Variants in CDHR1 observed in about 807,000 individuals in gnomAD.
The protein encoded by CDHR1 is cadherin related family member 1, also known as cadherin-related family member 1.
A neutral mutation model predicts 72.1 loss-of-function variants in CDHR1; 61 were observed. The ratio of observed to expected loss-of-function variants is 0.85; its 90% CI spans 0.69 to 1.05. The LOEUF (loss-of-function observed/expected upper bound fraction) is 1.05. Ranked by LOEUF, CDHR1 falls within the 50% of genes least tolerant of loss-of-function variation. The pLI, the probability that CDHR1 is intolerant of heterozygous loss-of-function variation, is 0.00. For missense variants in CDHR1, 1,186 were observed against 1,115.7 expected, an observed-to-expected ratio of 1.06 and a Z score of -0.90; for synonymous variants, 470 against 448.1, an observed-to-expected ratio of 1.05 and a Z score of -0.62.
In CDHR1 at chr10:84,211,678, G is replaced by T. The variant is rs547812313; in HGVS notation, c.1516G>T (p.Glu506Ter). 1 of 1,614,054 alleles carries T rather than the reference G, an allele frequency of 6.2e-7. No homozygotes were observed. The highest frequency in any genetic ancestry group is 1.7e-5 in the Admixed American group (1 of 60,000). ...AVDPDTGPWG[E>*]VKYSTYGTGA... Reference sequence around the variant, plus strand: ...GGATCCAGATACAGGACCCTGGGGCGAAGTGAAATATTCCACCTATGGGAC... The same window carrying T: ...GGATCCAGATACAGGACCCTGGGGCTAAGTGAAATATTCCACCTATGGGAC... The change falls in exon 14 of 17, where the codon GAA (glutamate) becomes TAA (stop). Residue 506 changes from glutamate (E) to a stop codon, truncating the protein, a stop_gained. Coordinates refer to ENST00000623527, the MANE Select transcript of CDHR1 (RefSeq NM_033100.4). LOFTEE classifies it high-confidence loss of function.
intron 6 of CDHR1, 65 bp downstream of exon 6, chr10:84,200,752 C>T (rs900621255): frequency 4.5e-5 from 50 of 1,114,374 alleles, no homozygotes; most frequent in African/African-American, 9.3e-5. Flanking sequence ...ATGGCCCCTA[C>T]CTCCATCGCC....
chr10:84,212,417 G>A lies in CDHR1; in HGVS notation c.1782+10G>A. On this transcript the variant is annotated intron_variant, in intron 15 of 16. Coordinates refer to ENST00000623527, the MANE Select transcript of CDHR1 (RefSeq NM_033100.4). ...CCCAGTGAAAATTGAGGTAAGTTTT[G>A]GAGGCAGCTGAGCTCCCCTAAAAGC... 1.2e-6 allele frequency: 2 copies of A among 1,608,738 alleles called. No individual in the cohort carries two copies. Among genetic ancestry groups the A allele is most frequent in the Non-Finnish European group, 1.7e-6 (2 of 1,175,094 alleles).
chr10:84,197,409 G>A (rs1051550698), intron 3 of CDHR1, among the ~76,000 whole-genome samples: 3 of 152,160 alleles, frequency 2.0e-5, no homozygotes, highest in Admixed American at 6.5e-5. Flanking sequence ...AATGTGGAGA[G>A]GTGTGGAGAG....
In CDHR1 at chr10:84,215,808, G is replaced by A. The variant is rs1842417159; in HGVS notation, c.*1187G>A. The stretch of plus-strand genomic sequence containing the variant: ...GTGCTGGGCTTAGGGGCTACCACTG[G>A]ATGATGGCATTGCCGTGACTCACAC... On this transcript the variant is annotated 3_prime_UTR_variant, in exon 17 of 17. Coordinates refer to ENST00000623527, the MANE Select transcript of CDHR1 (RefSeq NM_033100.4). 1.0e-6 allele frequency: 1 copy of A among 985,542 alleles called. No homozygotes were observed. 61.0% of individuals were successfully genotyped at this position (985,542 alleles called of 1,614,324 possible).
In CDHR1 at chr10:84,200,591, A is replaced by AC. The variant is rs757809253; in HGVS notation, c.439-5dup. On this transcript the variant is annotated splice_polypyrimidine_tract_variant and intron_variant, in intron 5 of 16. Transcript: ENST00000623527. ...TCTCTGACCCTCCCCTGTGGCTGTG[A>AC]CCCCCTCAGGACATACCTGCTGGGA... 3.8e-6 allele frequency: 6 copies of AC among 1,599,750 alleles called. No individual in the cohort carries two copies. The African/African-American group carries it at 4.0e-5, about 11-fold the overall frequency.
downstream of CDHR1, chr10:84,219,098 T>C: frequency 1.6e-6 from 2 of 1,220,910 alleles, no homozygotes; most frequent in East Asian, 2.5e-5. Flanking sequence ...CTAAGGTACA[T>C]GAAAAATAGT....
intron 1 of CDHR1, among the ~76,000 whole-genome samples, chr10:84,195,029 GA>G (rs1418053192): frequency 6.6e-6 from 1 of 152,222 alleles, no homozygotes; most frequent in East Asian, 1.9e-4. Flanking sequence ...CGCTTCTCCA[GA>G]GCTGGCATCC....
intron 2 of CDHR1, among the ~76,000 whole-genome samples, chr10:84,195,800 C>G (rs187867526): frequency 0.031 from 4,783 of 152,322 alleles, 140 homozygotes; most frequent in Middle Eastern, 0.078. Context: ...AGGGCTCCCC[C>G]CCACAGACAG....
In CDHR1 at chr10:84,218,594, A is replaced by G. The variant is rs1842462744; in HGVS notation, c.*3973A>G. The G allele has an allele frequency of 1.0e-6, 1 of 985,428 alleles. No individual in the cohort carries two copies. Among genetic ancestry groups the G allele is most frequent in the Non-Finnish European group, 1.2e-6 (1 of 830,020 alleles). 61.0% of individuals were successfully genotyped at this position (985,428 alleles called of 1,614,324 possible). On this transcript the variant is annotated 3_prime_UTR_variant, in exon 17 of 17. Transcript: ENST00000623527. ...CTAGGGAGTCTTCATTTTAAAAGCA[A>G]GTAGCCCTGCTTACAAATGTCTCCT...
chr10:84,202,529 C>A (rs1842146269), intron 7 of CDHR1, among the ~76,000 whole-genome samples: 1 of 152,180 alleles, frequency 6.6e-6, no homozygotes, highest in African/African-American at 2.4e-5. Context: ...CCAGGAGGCC[C>A]GAGTCAGCCT....
At position 84,208,758 on chromosome 10, in the gene CDHR1, G is replaced by C. The variant is rs1462106045; in HGVS notation, c.1197G>C (p.Leu399=). 1.9e-6 allele frequency: 3 copies of C among 1,614,150 alleles called. No individual in the cohort carries two copies. The highest frequency in any genetic ancestry group is 2.2e-5 in the South Asian group (2 of 91,070). The change falls in exon 12 of 17, where the codon CTG becomes CTC. Residue 399 remains leucine, a synonymous_variant. Transcript: ENST00000623527. ...QGANAKFNLQ[L]VGPRGIFRVV... ...CCAATGCCAAATTCAACTTGCAGCT[G>C]GTGGGACCCAGGGGCATCTTCCGAG...
intron 5 of CDHR1, 93 bp from the exon 6 acceptor site, chr10:84,200,508 C>G (rs1842103855): frequency 1.2e-6 from 1 of 828,752 alleles, no homozygotes; most frequent in Admixed American, 2.0e-5. Context: ...ACACTTCACT[C>G]CCCGACCCCA....
Position 84,216,740 on chromosome 10 carries a change from A to G in CDHR1, c.*2119A>G. The stretch of plus-strand genomic sequence containing the variant: ...AGCAGGACATTTGCAGGCCTTGTCT[A>G]CTGGACTTTTCTCCCAAACAGGACA... On this transcript the variant is annotated 3_prime_UTR_variant, in exon 17 of 17. Coordinates refer to ENST00000623527, the MANE Select transcript of CDHR1 (RefSeq NM_033100.4). The G allele has an allele frequency of 1.0e-6, 1 of 985,462 alleles. No homozygotes were observed. Among genetic ancestry groups the G allele is most frequent in the Non-Finnish European group, 1.2e-6 (1 of 829,942 alleles). The allele number at this position is 985,462 out of a possible 1,614,324, so 61.0% of individuals were successfully genotyped here. A position where few individuals can be genotyped will look rare whatever the true frequency, so the allele number is the denominator to read the frequency against.
In CDHR1 at chr10:84,216,929, A is replaced by ACG; in HGVS notation, c.*2309_*2310insGC. The ACG allele has an allele frequency of 1.0e-6, 1 of 985,390 alleles. No homozygotes were observed. The highest frequency in any genetic ancestry group is 1.2e-6 in the Non-Finnish European group (1 of 829,928). 61.0% of individuals were successfully genotyped at this position (985,390 alleles called of 1,614,324 possible). A position where few individuals can be genotyped will look rare whatever the true frequency, so the allele number is the denominator to read the frequency against. On this transcript the variant is annotated 3_prime_UTR_variant, in exon 17 of 17. Coordinates refer to ENST00000623527, the MANE Select transcript of CDHR1 (RefSeq NM_033100.4). ...CGTCTCTCAGACAGGCGTCCTAAAG[A>ACG]CCTCTAGGCTGGAAGCTTGGGCTTG...
In CDHR1 at chr10:84,215,838, C is replaced by T. The variant is rs1012725143; in HGVS notation, c.*1217C>T. The T allele has an allele frequency of 1.0e-6, 1 of 985,554 alleles. No individual in the cohort carries two copies. The highest frequency in any genetic ancestry group is 1.2e-6 in the Non-Finnish European group (1 of 830,028). The allele number at this position is 985,554 out of a possible 1,614,324, so 61.1% of individuals were successfully genotyped here. A position where few individuals can be genotyped will look rare whatever the true frequency, so the allele number is the denominator to read the frequency against. ...TGGCATTGCCGTGACTCACACACCT[C>T]TACTTCTGTTCTTCCCTCACTCCAT... On this transcript the variant is annotated 3_prime_UTR_variant, in exon 17 of 17. Transcript: ENST00000623527.
At chr10:84,194,878 C>A in intron 1 of CDHR1, 63 bp downstream of exon 1, 9 of 1,458,010 alleles carry the variant, frequency 6.2e-6, no homozygotes, top group Non-Finnish European at 8.4e-6. Context: ...CTGGCGTCAC[C>A]CAGGTGGCCA....
Position 84,214,359 on chromosome 10 carries a change from C to T in CDHR1, c.2318C>T (p.Pro773Leu), listed in dbSNP as rs371582488. The T allele has an allele frequency of 1.2e-6, 2 of 1,614,086 alleles. No homozygotes were observed. The highest frequency in any genetic ancestry group is 1.7e-6 in the Non-Finnish European group (2 of 1,180,052). ...ACCAAGTTCATGCTCAAAGAGAAAC[C>T]TCCCAATGAGAACTGTAACAACAAC... ...AATKFMLKEK[P>L]PNENCNNNSP... Residue 773 changes from proline (P) to leucine (L), a missense_variant, in exon 17 of 17, where the codon CCT (proline) becomes CTT (leucine). Pro to Leu is a moderately conservative substitution (Grantham distance 98, BLOSUM62 -3). Transcript: ENST00000623527.
chr10:84,201,853 G>T lies in CDHR1; in HGVS notation c.572G>T (p.Arg191Leu). 1 of 1,609,930 alleles carries T rather than the reference G, an allele frequency of 6.2e-7. No homozygotes were observed. The change falls in exon 7 of 17, where the codon CGC becomes CTC. Residue 191 changes from arginine to leucine, a missense_variant. Arg to Leu is a moderately radical substitution (Grantham distance 102). Coordinates refer to ENST00000623527, the MANE Select transcript of CDHR1 (RefSeq NM_033100.4). ...FAVDRHSGVL[R>L]LQAGATLDYE... ...GTGGACCGCCACAGCGGTGTGCTGC[G>T]CCTCCAGGCTGGGGCCACTCTGGAC... is the stretch of plus-strand genomic sequence containing the variant.
intron 9 of CDHR1, 150 bp from the exon 10 acceptor site, chr10:84,205,677 C>A: frequency 1.4e-6 from 1 of 696,918 alleles, no homozygotes; most frequent in East Asian, 2.7e-5. Context: ...CTTAGCCCCT[C>A]TGAGACTGTT....
Sources: gnomAD v4.1 joint callset for allele counts (sites outside exome capture counted in the v4.1 genomes callset) on GRCh38, gnomAD v4.1.1 for gene constraint, MANE v1.5 for transcripts, NCBI Gene and HGNC (gene_info 2026-07-23, HGNC 2026-07-21) for gene names.